The following RIGI variants were observed in gnomAD, a reference collection of about 807,000 sequenced individuals.
RIGI encodes the protein RNA sensor RIG-I.
At chr9:32,493,741 A>C in the RIGI span, 13 of 1,444,244 alleles carry the variant, frequency 9.0e-6, no homozygotes, top group East Asian at 2.8e-4. Context: ...CCCCAATTTT[A>C]GTATTTTATA....
chr9:32,493,854 T>C, the RIGI span: 2 of 1,610,156 alleles, frequency 1.2e-6, no homozygotes, highest in Non-Finnish European at 1.7e-6. Context: ...ATTCTGGTTG[T>C]AAACGTTTTA....
chr9:32,501,561 TG>T, the RIGI span, among the ~76,000 whole-genome samples: 1 of 152,104 alleles, frequency 6.6e-6, no homozygotes, highest in African/African-American at 2.4e-5. Context: ...ATGGTCCTTT[TG>T]GGAGAAAATT....
chr9:32,518,090 A>G, the RIGI span, among the ~76,000 whole-genome samples: 86 of 152,304 alleles, frequency 5.6e-4, no homozygotes, highest in African/African-American at 2.0e-3. Context: ...GTTACTAAGG[A>G]TAAGAATTCT....
At chr9:32,488,426 G>T in the RIGI span, among the ~76,000 whole-genome samples, 2 of 152,132 alleles carry the variant, frequency 1.3e-5, no homozygotes, top group African/African-American at 4.8e-5. Context: ...GTCACTAAGA[G>T]AGAAAAGAGT....
chr9:32,487,365 A>T, the RIGI span: 13 of 1,121,478 alleles, frequency 1.2e-5, no homozygotes, highest in African/African-American at 1.4e-4. Context: ...AATATTTTCT[A>T]CTAAACAGAG....
chr9:32,487,380 G>C, the RIGI span: 5 of 1,250,044 alleles, frequency 4.0e-6, no homozygotes, highest in Non-Finnish European at 2.3e-6. Flanking sequence ...ACAGAGAGAG[G>C]GTCAAAGTTC....
the RIGI span, chr9:32,485,704 C>A: frequency 2.8e-6 from 1 of 352,392 alleles, no homozygotes; most frequent in Admixed American, 3.9e-5. Flanking sequence ...CCATGCCCAG[C>A]TAATTTTTGT....
chr9:32,511,056 T>G, the RIGI span, among the ~76,000 whole-genome samples: 1 of 152,174 alleles, frequency 6.6e-6, no homozygotes, highest in Non-Finnish European at 1.5e-5. Flanking sequence ...TAAATACATA[T>G]GCACCCAATA....
chr9:32,525,683 C>T, the RIGI span, among the ~76,000 whole-genome samples: 1 of 152,204 alleles, frequency 6.6e-6, no homozygotes, highest in Admixed American at 6.5e-5. Flanking sequence ...CTTTGTGTCC[C>T]ATCCCTTGGA....
the RIGI span, among the ~76,000 whole-genome samples, chr9:32,481,985 T>G: frequency 6.6e-6 from 1 of 152,204 alleles, no homozygotes; most frequent in South Asian, 2.1e-4. Context: ...GGTGAAAAGG[T>G]GGAAGCAGGG....
the RIGI span, among the ~76,000 whole-genome samples, chr9:32,484,489 A>C: frequency 3.3e-5 from 5 of 152,118 alleles, no homozygotes; most frequent in Admixed American, 6.5e-5. Flanking sequence ...ACCCACTGGC[A>C]TTCATAGAGG....
At chr9:32,497,615 C>T in the RIGI span, among the ~76,000 whole-genome samples, 1 of 152,168 alleles carries the variant, frequency 6.6e-6, no homozygotes, top group Non-Finnish European at 1.5e-5. Context: ...GGCATGGCGG[C>T]GAGCACCTGT....
the RIGI span, chr9:32,487,875 A>T: frequency 1.3e-6 from 2 of 1,547,328 alleles, no homozygotes; most frequent in African/African-American, 1.4e-5. Context: ...CAGTGTGGCC[A>T]TAAGAGTAAG....
At chr9:32,457,186 T>A in the RIGI span, 1 of 1,613,966 alleles carries the variant, frequency 6.2e-7, no homozygotes, top group Non-Finnish European at 8.5e-7. Flanking sequence ...CCACTTCGAG[T>A]ACAGTGTCTG....
the RIGI span, chr9:32,487,537 A>G: frequency 6.2e-7 from 1 of 1,614,182 alleles, no homozygotes; most frequent in East Asian, 2.2e-5. Flanking sequence ...GCTATCACTG[A>G]CGCATCAAGA....
chr9:32,475,767 T>G, the RIGI span, among the ~76,000 whole-genome samples: 1 of 152,098 alleles, frequency 6.6e-6, no homozygotes, highest in African/African-American at 2.4e-5. Flanking sequence ...AAAGGATTTT[T>G]AGAGATAATA....
the RIGI span, among the ~76,000 whole-genome samples, chr9:32,525,285 C>G: frequency 6.6e-6 from 1 of 152,176 alleles, no homozygotes; most frequent in Non-Finnish European, 1.5e-5. Flanking sequence ...TGTTCAGTCC[C>G]CTAGGTCCGT....
At chr9:32,455,322 C>T in the RIGI span, among the ~76,000 whole-genome samples, 93,179 of 151,944 alleles carry the variant, frequency 0.61, 28,658 homozygotes, top group Non-Finnish European at 0.65. Context: ...AGAAAAGAGG[C>T]TTAATAGATT....
the RIGI span, among the ~76,000 whole-genome samples, chr9:32,517,913 C>T: frequency 3.3e-5 from 5 of 152,024 alleles, no homozygotes; most frequent in Admixed American, 6.6e-5. Flanking sequence ...TTGGCATAAT[C>T]GGAAATATAA....
Sources: gnomAD v4.1 joint callset for allele counts (sites outside exome capture counted in the v4.1 genomes callset) on GRCh38, gnomAD v4.1.1 for gene constraint, MANE v1.5 for transcripts, NCBI Gene and HGNC (gene_info 2026-07-23, HGNC 2026-07-21) for gene names.